TRAPPC13: variants seen among roughly 807,000 people sequenced by gnomAD.
The protein encoded by TRAPPC13 is REV7-interacting novel NHEJ regulator 1.
A neutral mutation model predicts 54.0 loss-of-function variants in TRAPPC13; 39 were observed. That is an observed-to-expected ratio of 0.72 (90% CI 0.56 to 0.94). The LOEUF is 0.94. Among genes scored for constraint, TRAPPC13 ranks in the 40% least tolerant of loss-of-function variants. The pLI is 0.00. For missense variants in TRAPPC13, 386 were observed against 488.1 expected (o/e 0.79, Z 1.97); for synonymous variants, 148 against 167.7 (o/e 0.88, Z 0.91).
chr5:65,632,074 C>A (rs903881240), intron 1 of TRAPPC13, among the ~76,000 whole-genome samples: 1 of 151,894 alleles, frequency 6.6e-6, no homozygotes, highest in Non-Finnish European at 1.5e-5. Flanking sequence ...GGTGAAACTC[C>A]GTCTCTACAA....
chr5:65,625,465 A>G (rs1755169740), intron 1 of TRAPPC13: 2 of 273,102 alleles, frequency 7.3e-6, no homozygotes, highest in Admixed American at 1.0e-4. Context: ...GGCACTGACG[A>G]AGTTAATCAG....
chr5:65,649,139 C>T (rs1249441787), intron 5 of TRAPPC13, among the ~76,000 whole-genome samples: 1 of 152,066 alleles, frequency 6.6e-6, no homozygotes, highest in Non-Finnish European at 1.5e-5. Flanking sequence ...TTGCTTGAGC[C>T]CAGGAGGTCA....
Position 65,664,221 on chromosome 5 carries a change from C to G in TRAPPC13, c.999-16C>G. On this transcript the variant is annotated splice_polypyrimidine_tract_variant and intron_variant, in intron 11 of 12. Transcript: ENST00000399438. ...ATGAACAAGATTTATTCCTATTATT[C>G]TGATTCCTCCAGCAGTGAAAGGACT... The G allele has an allele frequency of 6.2e-7, 1 of 1,610,224 alleles. No individual in the cohort carries two copies. Among genetic ancestry groups the G allele is most frequent in the Non-Finnish European group, 8.5e-7 (1 of 1,178,164 alleles).
At chr5:65,655,791 TATATATA>T in intron 8 of TRAPPC13, 138 bp downstream of exon 8, 1 of 293,966 alleles carries the variant, frequency 3.4e-6, no homozygotes, top group Non-Finnish European at 6.5e-6. Flanking sequence ...TCAGAAAGAT[TATATATA>T]ATTTTATGTA....
chr5:65,638,436 G>A (rs148339785), intron 4 of TRAPPC13, among the ~76,000 whole-genome samples: 9 of 152,330 alleles, frequency 5.9e-5, no homozygotes, highest in Admixed American at 2.6e-4. Flanking sequence ...GAGGGAATGC[G>A]AAGAGGATCT....
intron 4 of TRAPPC13, among the ~76,000 whole-genome samples, chr5:65,640,354 T>C (rs1755917775): frequency 6.6e-6 from 1 of 152,164 alleles, no homozygotes; most frequent in Non-Finnish European, 1.5e-5. Flanking sequence ...CTACACAACA[T>C]AGCAAGGCAC....
At chr5:65,630,407 A>C (rs1212887502) in intron 1 of TRAPPC13, 5 of 1,402,582 alleles carry the variant, frequency 3.6e-6, no homozygotes, top group Non-Finnish European at 4.6e-6. Flanking sequence ...TAGATAAAAT[A>C]ATTTTTACAG....
chr5:65,639,057 C>T (rs1016645304), intron 4 of TRAPPC13, among the ~76,000 whole-genome samples: 9 of 152,112 alleles, frequency 5.9e-5, no homozygotes, highest in African/African-American at 2.2e-4. Context: ...GCACTCCAGG[C>T]TGCCTGGGTG....
chr5:65,639,103 A>G (rs1479571960), intron 4 of TRAPPC13, among the ~76,000 whole-genome samples: 1 of 152,054 alleles, frequency 6.6e-6, no homozygotes, highest in African/African-American at 2.4e-5. Flanking sequence ...AAATAAAAAT[A>G]AAACCATCAG....
At chr5:65,655,020 C>T (rs1756600848) in intron 7 of TRAPPC13, among the ~76,000 whole-genome samples, 1 of 152,114 alleles carries the variant, frequency 6.6e-6, no homozygotes, top group Non-Finnish European at 1.5e-5. Context: ...TCCAGCTATG[C>T]ATTTGATGGA....
In TRAPPC13 at chr5:65,665,573, T is replaced by G. The variant is rs1006531881; in HGVS notation, c.*962T>G. 6.6e-6 allele frequency: 1 copy of G among 152,162 alleles called. No homozygotes were observed. Among genetic ancestry groups the G allele is most frequent in the African/African-American group, 2.4e-5 (1 of 41,456 alleles). 9.4% of individuals were successfully genotyped at this position (152,162 alleles called of 1,614,324 possible). A position where few individuals can be genotyped will look rare whatever the true frequency, so the allele number is the denominator to read the frequency against. On this transcript the variant is annotated 3_prime_UTR_variant, in exon 13 of 13. Coordinates refer to ENST00000399438, the MANE Select transcript of TRAPPC13 (RefSeq NM_024941.4). Reference sequence around the variant, plus strand: ...CTATTAACTAAGAATAATACTTATTTTCTAATTATAAGCCAAAAACCCCTG... The same window carrying G: ...CTATTAACTAAGAATAATACTTATTGTCTAATTATAAGCCAAAAACCCCTG...
intron 11 of TRAPPC13, chr5:65,662,445 T>C: frequency 5.2e-6 from 1 of 192,660 alleles, no homozygotes. Flanking sequence ...TAGGTTCTTA[T>C]GTATTAATAT....
At position 65,662,088 on chromosome 5, in the gene TRAPPC13, A is replaced by G; in HGVS notation, c.936A>G (p.Ala312=). ...GAGATGTTAGGTTGTCTTTGGAGGCAATACCAGATACCGTAAACCTTGAAG... is the reference window on the plus strand; with the variant it reads ...GAGATGTTAGGTTGTCTTTGGAGGCGATACCAGATACCGTAAACCTTGAAG... The part of the protein sequence containing the change: ...GYGDVRLSLE[A]IPDTVNLEEP... The change falls in exon 11 of 13, where the codon GCA becomes GCG. Residue 312 remains alanine, a synonymous_variant. Transcript: ENST00000399438. 1 of 1,609,492 alleles carries G rather than the reference A, an allele frequency of 6.2e-7. No homozygotes were observed. The highest frequency in any genetic ancestry group is 8.5e-7 in the Non-Finnish European group (1 of 1,177,956).
intron 9 of TRAPPC13, 99 bp from the exon 10 acceptor site, chr5:65,660,600 A>G (rs1458032050): frequency 1.2e-6 from 1 of 839,952 alleles, no homozygotes. Context: ...TTTGGAGGGT[A>G]CATCATCCAG....
chr5:65,652,127 T>A (rs1455002858), intron 6 of TRAPPC13, among the ~76,000 whole-genome samples: 2 of 151,990 alleles, frequency 1.3e-5, no homozygotes, highest in Admixed American at 6.6e-5. Context: ...CCTCTAAAAG[T>A]GCTGGGATTA....
chr5:65,630,352 G>A (rs887262297), intron 1 of TRAPPC13: 14 of 1,473,150 alleles, frequency 9.5e-6, no homozygotes, highest in Admixed American at 2.4e-5. Context: ...GAATTCCACT[G>A]ATTGTCAAAA....
intron 4 of TRAPPC13, among the ~76,000 whole-genome samples, chr5:65,640,511 G>A (rs146532652): frequency 6.6e-6 from 1 of 152,324 alleles, no homozygotes; most frequent in Non-Finnish European, 1.5e-5. Context: ...TTGAAACGGA[G>A]ATTGTATGGC....
chr5:65,646,827 T>A (rs1298335117), intron 4 of TRAPPC13, among the ~76,000 whole-genome samples: 1 of 152,162 alleles, frequency 6.6e-6, no homozygotes, highest in African/African-American at 2.4e-5. Flanking sequence ...TCTCCCTAAT[T>A]CCTGCTTGAT....
At chr5:65,637,835 TA>T in intron 4 of TRAPPC13, 55 bp downstream of exon 4, 1 of 1,085,462 alleles carries the variant, frequency 9.2e-7, no homozygotes, top group Admixed American at 2.5e-5. Flanking sequence ...GGTTTTTTTT[TA>T]GGCCGGGCAT....
Sources: gnomAD v4.1 joint callset for allele counts (sites outside exome capture counted in the v4.1 genomes callset) on GRCh38, gnomAD v4.1.1 for gene constraint, MANE v1.5 for transcripts, NCBI Gene and HGNC (gene_info 2026-07-23, HGNC 2026-07-21) for gene names.